The following PDILT variants were observed in gnomAD, a reference collection of about 807,000 sequenced individuals.
PDILT encodes the protein protein disulfide-isomerase-like protein of the testis.
In PDILT, 43 loss-of-function variants were observed where a neutral mutation model predicts 53.7. That is an observed-to-expected ratio of 0.80 (90% CI 0.63 to 1.03). The LOEUF is 1.03. Among genes scored for constraint, PDILT ranks in the 50% least tolerant of loss-of-function variants. The pLI is 0.00. For synonymous variants in PDILT, 282 were observed against 274.2 expected (o/e 1.03, Z -0.28); for missense variants, 727 against 712.3 (o/e 1.02, Z -0.24).
intron 9 of PDILT, among the ~76,000 whole-genome samples, chr16:20,363,475 A>ATG (rs10535681): frequency 7.2e-5 from 8 of 110,434 alleles, no homozygotes; most frequent in East Asian, 4.1e-4. Flanking sequence ...GTGTATGTGT[A>ATG]TGTGTGTGTG....
chr16:20,365,357 G>A (rs1363707473), intron 9 of PDILT, 63 bp downstream of exon 9: 4 of 1,583,558 alleles, frequency 2.5e-6, no homozygotes, highest in Non-Finnish European at 3.5e-6. Context: ...AACAATTCAG[G>A]AGAAACACTT....
At chr16:20,373,653 T>C (rs1749564518) in intron 5 of PDILT, among the ~76,000 whole-genome samples, 1 of 152,244 alleles carries the variant, frequency 6.6e-6, no homozygotes, top group South Asian at 2.1e-4. Context: ...AGCCTACACT[T>C]GTGCCAATCA....
At chr16:20,392,971 G>A (rs1035284623) in intron 2 of PDILT, among the ~76,000 whole-genome samples, 4 of 152,216 alleles carry the variant, frequency 2.6e-5, no homozygotes, top group Admixed American at 2.0e-4. Context: ...TTTGGAAGGG[G>A]AATGTGTTGA....
chr16:20,394,306 C>T (rs539220793), intron 2 of PDILT, among the ~76,000 whole-genome samples: 1 of 152,346 alleles, frequency 6.6e-6, no homozygotes, highest in Admixed American at 6.5e-5. Context: ...AGAGCTTATT[C>T]CACCAGGCTG....
intron 3 of PDILT, among the ~76,000 whole-genome samples, chr16:20,384,068 C>T (rs1380425937): frequency 1.3e-5 from 2 of 152,192 alleles, no homozygotes; most frequent in African/African-American, 4.8e-5. Flanking sequence ...GTTCCATCAT[C>T]TCCCAATTTC....
intron 11 of PDILT, 49 bp downstream of exon 11, chr16:20,360,519 G>A: frequency 6.9e-7 from 1 of 1,456,186 alleles, no homozygotes. Context: ...AAGTTCCTAG[G>A]GATTCTGTGT....
chr16:20,367,075 CT>C (rs879507474), intron 8 of PDILT, among the ~76,000 whole-genome samples: 1,476 of 121,764 alleles, frequency 0.012, 62 homozygotes, highest in Middle Eastern at 0.034. Flanking sequence ...TTCTTTCTTT[CT>C]TTCTTTCTTT....
intron 2 of PDILT, among the ~76,000 whole-genome samples, chr16:20,392,460 C>A (rs1966616622): frequency 6.6e-6 from 1 of 152,180 alleles, no homozygotes; most frequent in Admixed American, 6.5e-5. Flanking sequence ...GGATCTGAGA[C>A]TGGGGTGGTC....
At chr16:20,394,407 A>G (rs1966638866) in intron 2 of PDILT, among the ~76,000 whole-genome samples, 1 of 152,122 alleles carries the variant, frequency 6.6e-6, no homozygotes, top group South Asian at 2.1e-4. Flanking sequence ...GACTAAAGGA[A>G]GGCAATATTG....
At chr16:20,392,882 C>T (rs955256083) in intron 2 of PDILT, among the ~76,000 whole-genome samples, 1 of 152,164 alleles carries the variant, frequency 6.6e-6, no homozygotes, top group Non-Finnish European at 1.5e-5. Context: ...CCCTTCTGCC[C>T]TGGTTAAAAC....
chr16:20,369,319 A>T (rs1476038004), intron 8 of PDILT, among the ~76,000 whole-genome samples, 173 bp downstream of exon 8: 1 of 152,222 alleles, frequency 6.6e-6, no homozygotes, highest in East Asian at 1.9e-4. Context: ...GGGATAGGTC[A>T]GAAGTTGGAT....
At chr16:20,387,565 C>G (rs1966556113) in intron 2 of PDILT, among the ~76,000 whole-genome samples, 1 of 152,100 alleles carries the variant, frequency 6.6e-6, no homozygotes, top group Non-Finnish European at 1.5e-5. Flanking sequence ...GGAATGGTAC[C>G]AGAGGGTTTG....
intron 2 of PDILT, among the ~76,000 whole-genome samples, chr16:20,393,228 G>A (rs2141618558): frequency 6.6e-6 from 1 of 152,310 alleles, no homozygotes; most frequent in African/African-American, 2.4e-5. Flanking sequence ...TGAGGGATGT[G>A]CAGAACTAGC....
chr16:20,360,670 T>C lies in PDILT; in HGVS notation c.1417-13A>G, dbSNP rs766697210. 2 of 1,587,304 alleles carry C rather than the reference T, an allele frequency of 1.3e-6. No homozygotes were observed. Among genetic ancestry groups the C allele is most frequent in the Non-Finnish European group, 1.7e-6 (2 of 1,155,756 alleles). ...TATACAGGACAGCCTAGGATGAAAA[T>C]GGAACAGGGTCAGGATGGGATCCTC... is the stretch of plus-strand genomic sequence containing the variant. On this transcript the variant is annotated splice_polypyrimidine_tract_variant and intron_variant, in intron 10 of 11. Transcript: ENST00000302451.
intron 3 of PDILT, among the ~76,000 whole-genome samples, chr16:20,377,745 G>C (rs1966406730): frequency 6.6e-6 from 1 of 152,088 alleles, no homozygotes; most frequent in Non-Finnish European, 1.5e-5. Flanking sequence ...ACAAGGTCAG[G>C]AGATCGAGAC....
chr16:20,400,124 C>T lies in PDILT; in HGVS notation c.-7-817G>A, dbSNP rs112675253. ...TCACCCAGGCTGGGGTGCAGTGGCA[C>T]GGTCTCACCTCACTGCGACCTCTGC... On this transcript the variant is annotated intron_variant, in intron 1 of 11. Transcript: ENST00000302451. Among the ~76,000 whole-genome samples, 1,143 of 151,398 alleles carry T rather than the reference C, an allele frequency of 7.5e-3. 10 individuals are homozygous for T. The highest frequency in any genetic ancestry group is 9.7e-3 in the Non-Finnish European group (662 of 67,942).
intron 2 of PDILT, among the ~76,000 whole-genome samples, chr16:20,393,735 G>A (rs1966631676): frequency 6.6e-6 from 1 of 152,138 alleles, no homozygotes; most frequent in East Asian, 1.9e-4. Flanking sequence ...ATGTCATGGG[G>A]GTAAAGCAGA....
intron 2 of PDILT, among the ~76,000 whole-genome samples, chr16:20,385,782 C>A (rs375202870): frequency 4.3e-4 from 65 of 152,274 alleles, no homozygotes; most frequent in African/African-American, 1.5e-3. Flanking sequence ...ACACGATGAT[C>A]ACATTTATGG....
At chr16:20,386,241 G>A (rs1317764486) in intron 2 of PDILT, among the ~76,000 whole-genome samples, 1 of 152,108 alleles carries the variant, frequency 6.6e-6, no homozygotes, top group East Asian at 1.9e-4. Context: ...GGCTTTTCTG[G>A]CTAAACGGAG....
Sources: gnomAD v4.1 joint callset for allele counts (sites outside exome capture counted in the v4.1 genomes callset) on GRCh38, gnomAD v4.1.1 for gene constraint, MANE v1.5 for transcripts, NCBI Gene and HGNC (gene_info 2026-07-23, HGNC 2026-07-21) for gene names.